The following BRINP3 variants were observed in gnomAD, a reference collection of about 807,000 sequenced individuals.
BRINP3 encodes the protein BMP/retinoic acid-inducible neural-specific protein 3.
A neutral mutation model predicts 71.0 loss-of-function variants in BRINP3; 19 were observed. The ratio of observed to expected loss-of-function variants is 0.27; its 90% CI spans 0.19 to 0.39. BRINP3 has a LOEUF of 0.39. BRINP3 is among the 10% of genes least tolerant of loss of function. The pLI, the probability that BRINP3 is intolerant of heterozygous loss-of-function variation, is 1.00. For missense variants in BRINP3, 959 were observed against 940.8 expected, an observed-to-expected ratio of 1.02 and a Z score of -0.25; for synonymous variants, 380 against 337.7, an observed-to-expected ratio of 1.13 and a Z score of -1.37.
At chr1:190,257,977 A>G in intron 4 of BRINP3, among the ~76,000 whole-genome samples, 1 of 152,164 alleles carries the variant, frequency 6.6e-6, no homozygotes, top group African/African-American at 2.4e-5. Flanking sequence ...CCATTCTCTG[A>G]GCTCAAACAC....
intron 2 of BRINP3, among the ~76,000 whole-genome samples, chr1:190,359,198 T>C (rs973253229): frequency 4.0e-5 from 6 of 151,780 alleles, no homozygotes; most frequent in African/African-American, 1.5e-4. Flanking sequence ...AAACAAAAGC[T>C]ATTAAAACAA....
At chr1:190,306,096 C>A (rs2103011615) in intron 2 of BRINP3, among the ~76,000 whole-genome samples, 1 of 151,838 alleles carries the variant, frequency 6.6e-6, no homozygotes, top group Non-Finnish European at 1.5e-5. Context: ...TGTTCTCATT[C>A]TTTGAAGACT....
chr1:190,169,567 T>C (rs993423147), intron 6 of BRINP3, among the ~76,000 whole-genome samples: 1 of 152,208 alleles, frequency 6.6e-6, no homozygotes, highest in African/African-American at 2.4e-5. Context: ...TGCTGACTGA[T>C]ACAGCTAACT....
intron 2 of BRINP3, among the ~76,000 whole-genome samples, chr1:190,362,423 A>C (rs1669209389): frequency 6.6e-6 from 1 of 152,182 alleles, no homozygotes; most frequent in Non-Finnish European, 1.5e-5. Context: ...CTATATCTTA[A>C]ATGGTAAGAA....
At chr1:190,414,407 C>T (rs1466228123) in intron 2 of BRINP3, among the ~76,000 whole-genome samples, 1 of 151,854 alleles carries the variant, frequency 6.6e-6, no homozygotes, top group Non-Finnish European at 1.5e-5. Flanking sequence ...AGCTTAGTGA[C>T]TTCCATATGT....
chr1:190,324,781 A>C (rs1666472218), intron 2 of BRINP3, among the ~76,000 whole-genome samples: 1 of 151,924 alleles, frequency 6.6e-6, no homozygotes, highest in Non-Finnish European at 1.5e-5. Context: ...TCATGAGGAT[A>C]TTTTTGTCAT....
At chr1:190,279,523 A>G (rs536934256) in intron 3 of BRINP3, among the ~76,000 whole-genome samples, 162 of 152,034 alleles carry the variant, frequency 1.1e-3, no homozygotes, top group Non-Finnish European at 1.5e-3. Flanking sequence ...CAACAAGGAT[A>G]TGGCTGATCT....
chr1:190,282,613 T>A (rs1419208596), intron 2 of BRINP3, among the ~76,000 whole-genome samples: 1 of 152,024 alleles, frequency 6.6e-6, no homozygotes, highest in East Asian at 1.9e-4. Context: ...TTAAACACTT[T>A]ATACACATGT....
intron 2 of BRINP3, among the ~76,000 whole-genome samples, chr1:190,285,788 T>C (rs964415938): frequency 1.7e-4 from 26 of 152,060 alleles, no homozygotes; most frequent in African/African-American, 6.3e-4. Context: ...CATGCATTCA[T>C]TAAATGTTGG....
At chr1:190,172,567 C>T (rs1652113876) in intron 6 of BRINP3, among the ~76,000 whole-genome samples, 1 of 152,058 alleles carries the variant, frequency 6.6e-6, no homozygotes, top group South Asian at 2.1e-4. Context: ...TAATAATTTA[C>T]AGATAATTGG....
chr1:190,156,233 G>C (rs1656852131), intron 7 of BRINP3, among the ~76,000 whole-genome samples: 1 of 152,016 alleles, frequency 6.6e-6, no homozygotes. Context: ...CATTATATAG[G>C]AAATGTGAAA....
At chr1:190,162,271 A>G (rs781698344) in intron 6 of BRINP3, among the ~76,000 whole-genome samples, 1 of 151,180 alleles carries the variant, frequency 6.6e-6, no homozygotes, top group Non-Finnish European at 1.5e-5. Flanking sequence ...GTTCACTGCA[A>G]CCTCCACATC....
intron 2 of BRINP3, among the ~76,000 whole-genome samples, chr1:190,427,314 A>T (rs1490848136): frequency 6.6e-6 from 1 of 151,936 alleles, no homozygotes; most frequent in Non-Finnish European, 1.5e-5. Flanking sequence ...ACTCTTTTAA[A>T]ATACTCTGTG....
rs751019667 is a variant in BRINP3, at chr1:190,454,807, C to A, written c.84G>T (p.Trp28Cys). The change falls in exon 2 of 8, where the codon TGG (tryptophan) becomes TGT (cysteine). Residue 28 changes from tryptophan (W) to cysteine (C), a missense_variant. By Grantham distance (215) the Trp-to-Cys change is radical (BLOSUM62 -2). Coordinates refer to ENST00000367462, the MANE Select transcript of BRINP3 (RefSeq NM_199051.3). The stretch of plus-strand genomic sequence containing the variant: ...CCGAAACAGCAGCAACCGCTAAAAC[C>A]CAGCAATGAAGACTCAGTGCTATCC... ...WEWIALSLHC[W>C]VLAVAAVSDQ... The A allele has an allele frequency of 1.2e-6, 2 of 1,614,128 alleles. No homozygotes were observed. Among genetic ancestry groups the A allele is most frequent in the Non-Finnish European group, 1.7e-6 (2 of 1,180,018 alleles).
chr1:190,233,987 AAC>A (rs1209455857), intron 5 of BRINP3, among the ~76,000 whole-genome samples: 1 of 152,172 alleles, frequency 6.6e-6, no homozygotes, highest in Non-Finnish European at 1.5e-5. Flanking sequence ...ATAAAATGTC[AAC>A]AGTTCATTTT....
chr1:190,472,576 C>T (rs1000950792), intron 1 of BRINP3, among the ~76,000 whole-genome samples: 6 of 151,522 alleles, frequency 4.0e-5, no homozygotes, highest in African/African-American at 1.2e-4. Flanking sequence ...ATGTTTCAGA[C>T]TCTTATTCTA....
chr1:190,195,322 T>C lies in BRINP3; in HGVS notation c.961+30760A>G, dbSNP rs575958340. On this transcript the variant is annotated intron_variant, in intron 6 of 7. Transcript: ENST00000367462. ...TTACATCTATAAAATAAGACCGATT[T>C]TTATAATTAAAAAGAGTTTGCTAGT... is the stretch of plus-strand genomic sequence containing the variant. Among the ~76,000 whole-genome samples the C allele has an allele frequency of 1.4e-4, 22 of 152,004 alleles. 1 individual carries two copies. Among genetic ancestry groups the C allele is most frequent in the Non-Finnish European group, 2.8e-4 (19 of 67,916 alleles).
chr1:190,247,404 AG>A (rs1362394958), intron 4 of BRINP3, among the ~76,000 whole-genome samples: 10 of 152,054 alleles, frequency 6.6e-5, no homozygotes, highest in Admixed American at 3.3e-4. Flanking sequence ...ACAATGTGCC[AG>A]TATTCCTAGC....
chr1:190,248,140 A>G (rs555051228), intron 4 of BRINP3, among the ~76,000 whole-genome samples: 5 of 151,732 alleles, frequency 3.3e-5, no homozygotes, highest in Non-Finnish European at 7.4e-5. Flanking sequence ...TTAATCCATA[A>G]TTTTAGTTAT....
Sources: gnomAD v4.1 joint callset for allele counts (sites outside exome capture counted in the v4.1 genomes callset) on GRCh38, gnomAD v4.1.1 for gene constraint, MANE v1.5 for transcripts, NCBI Gene and HGNC (gene_info 2026-07-23, HGNC 2026-07-21) for gene names.